The following MRPS9 variants were observed in gnomAD, a reference collection of about 807,000 sequenced individuals.
MRPS9 encodes mitochondrial ribosomal protein S9.
A neutral mutation model predicts 59.9 loss-of-function variants in MRPS9; 45 were observed. The ratio of observed to expected loss-of-function variants is 0.75; its 90% CI spans 0.59 to 0.96. The LOEUF (loss-of-function observed/expected upper bound fraction) is 0.96, where lower values mean the gene tolerates loss of function less well. Ranked by LOEUF, MRPS9 falls within the 40% of genes least tolerant of loss-of-function variation. The pLI is 0.00. For missense variants in MRPS9, 473 were observed against 481.1 expected, an observed-to-expected ratio of 0.98 and a Z score of 0.16; for synonymous variants, 171 against 166.8, an observed-to-expected ratio of 1.03 and a Z score of -0.19.
At chr2:105,091,334 T>A (rs1004221889) in intron 7 of MRPS9, 1 of 470,920 alleles carries the variant, frequency 2.1e-6, no homozygotes, top group African/African-American at 2.0e-5. Context: ...GCAGAAGTCA[T>A]TGAGAGTCTG....
intron 5 of MRPS9, among the ~76,000 whole-genome samples, chr2:105,084,306 G>A (rs1049584717): frequency 5.3e-5 from 8 of 150,022 alleles, no homozygotes; most frequent in African/African-American, 1.7e-4. Context: ...TTTAAAATGT[G>A]AGAGAAAACC....
intron 2 of MRPS9, among the ~76,000 whole-genome samples, chr2:105,061,273 G>A (rs888779687): frequency 1.3e-5 from 2 of 152,142 alleles, no homozygotes; most frequent in South Asian, 2.1e-4. Flanking sequence ...CTGGTTTTGC[G>A]TAGCCTGGCT....
At chr2:105,049,121 G>A (rs1417459878) in intron 1 of MRPS9, 50 bp from the exon 2 acceptor site, 1 of 1,241,128 alleles carries the variant, frequency 8.1e-7, no homozygotes, top group African/African-American at 1.5e-5. Context: ...TGGCCTAGAA[G>A]ATCACAGTTT....
intron 7 of MRPS9, among the ~76,000 whole-genome samples, chr2:105,090,410 T>C (rs1680536079): frequency 6.6e-6 from 1 of 152,268 alleles, no homozygotes; most frequent in South Asian, 2.1e-4. Context: ...TCATGCAGTT[T>C]ACTGCTTACC....
chr2:105,070,916 T>C (rs1193056768), intron 2 of MRPS9, among the ~76,000 whole-genome samples: 1 of 152,236 alleles, frequency 6.6e-6, no homozygotes, highest in African/African-American at 2.4e-5. Flanking sequence ...GGTGTCATGA[T>C]GGGTGAGACT....
At chr2:105,039,528 A>G (rs1679465133) in intron 1 of MRPS9, among the ~76,000 whole-genome samples, 1 of 152,104 alleles carries the variant, frequency 6.6e-6, no homozygotes, top group Non-Finnish European at 1.5e-5. Context: ...CCATGTTCTT[A>G]TAATCATGCA....
intron 2 of MRPS9, among the ~76,000 whole-genome samples, chr2:105,059,397 G>A (rs1434332790): frequency 6.6e-6 from 1 of 152,110 alleles, no homozygotes; most frequent in Non-Finnish European, 1.5e-5. Context: ...GAATACTAAT[G>A]TGTTTACTAG....
intron 2 of MRPS9, among the ~76,000 whole-genome samples, chr2:105,057,655 G>T (rs1350614648): frequency 6.6e-6 from 1 of 152,134 alleles, no homozygotes; most frequent in Non-Finnish European, 1.5e-5. Flanking sequence ...AGCAGACGTG[G>T]GGTAACAATG....
At chr2:105,072,350 T>A (rs1352501852) in intron 4 of MRPS9, among the ~76,000 whole-genome samples, 1 of 152,136 alleles carries the variant, frequency 6.6e-6, no homozygotes, top group Non-Finnish European at 1.5e-5. Context: ...GAAATCTGAG[T>A]GCAGAATATT....
chr2:105,082,694 A>G lies in MRPS9; in HGVS notation c.489+2632A>G, dbSNP rs559994162. Among the ~76,000 whole-genome samples the G allele has an allele frequency of 1.7e-3, 264 of 152,242 alleles. 1 individual carries two copies. The highest frequency in any genetic ancestry group is 2.7e-3 in the Non-Finnish European group (187 of 68,032). ...TGTTCCTGCCCAGAAATGAAGCGTGATAGGAAAGTATAAAGTGAAGGGGGA... is the reference window on the plus strand; with the variant it reads ...TGTTCCTGCCCAGAAATGAAGCGTGGTAGGAAAGTATAAAGTGAAGGGGGA... On this transcript the variant is annotated intron_variant, in intron 5 of 10. Transcript: ENST00000258455.
intron 5 of MRPS9, among the ~76,000 whole-genome samples, chr2:105,086,265 G>A (rs1680442683): frequency 6.6e-6 from 1 of 152,144 alleles, no homozygotes; most frequent in Non-Finnish European, 1.5e-5. Flanking sequence ...TCATCAAATT[G>A]TAAGCATTTG....
intron 5 of MRPS9, among the ~76,000 whole-genome samples, chr2:105,088,673 G>GT (rs890695745): frequency 2.6e-5 from 4 of 151,524 alleles, no homozygotes; most frequent in African/African-American, 4.9e-5. Flanking sequence ...AAGGTTTTTG[G>GT]TTTTTTTTAA....
chr2:105,097,487 C>T (rs1000093153), intron 10 of MRPS9, 163 bp downstream of exon 10: 3 of 617,148 alleles, frequency 4.9e-6, no homozygotes, highest in South Asian at 5.2e-5. Context: ...CAGTATTTCT[C>T]AGATTTGATT....
intron 2 of MRPS9, among the ~76,000 whole-genome samples, chr2:105,069,511 C>G (rs1680071852): frequency 6.6e-6 from 1 of 152,142 alleles, no homozygotes; most frequent in African/African-American, 2.4e-5. Flanking sequence ...CCAGGCCCAG[C>G]CTGTCAATCT....
At chr2:105,066,709 C>T (rs1027509933) in intron 2 of MRPS9, among the ~76,000 whole-genome samples, 8 of 152,170 alleles carry the variant, frequency 5.3e-5, no homozygotes, top group African/African-American at 1.7e-4. Context: ...TAGTCTTCCA[C>T]GCCATCTAGT....
chr2:105,064,527 G>T (rs186887411), intron 2 of MRPS9, among the ~76,000 whole-genome samples: 1 of 152,186 alleles, frequency 6.6e-6, no homozygotes, highest in Non-Finnish European at 1.5e-5. Context: ...CACAAATGTG[G>T]CATCATTGGT....
intron 1 of MRPS9, among the ~76,000 whole-genome samples, chr2:105,047,520 T>C (rs573714627): frequency 6.6e-6 from 1 of 152,028 alleles, no homozygotes; most frequent in Admixed American, 6.6e-5. Context: ...CAGTGAATGA[T>C]GTCTGTCTGA....
chr2:105,048,837 T>C (rs12611887), intron 1 of MRPS9, among the ~76,000 whole-genome samples: 45,185 of 151,652 alleles, frequency 0.3, 7,091 homozygotes, highest in Middle Eastern at 0.43. Flanking sequence ...ATCCCATGTG[T>C]CAAATATCAA....
chr2:105,043,385 G>T (rs952053089), intron 1 of MRPS9, among the ~76,000 whole-genome samples: 1 of 151,928 alleles, frequency 6.6e-6, no homozygotes, highest in East Asian at 1.9e-4. Flanking sequence ...GTTCTTTTTC[G>T]CTGGTTATAG....
Sources: gnomAD v4.1 joint callset for allele counts (sites outside exome capture counted in the v4.1 genomes callset) on GRCh38, gnomAD v4.1.1 for gene constraint, MANE v1.5 for transcripts, NCBI Gene and HGNC (gene_info 2026-07-23, HGNC 2026-07-21) for gene names.